Variants in COP1 observed in about 807,000 individuals in gnomAD.
COP1 encodes E3 ubiquitin-protein ligase COP1.
In COP1, 24 loss-of-function variants were observed where a neutral mutation model predicts 101.3. The ratio of observed to expected loss-of-function variants is 0.24; its 90% confidence interval spans 0.17 to 0.33. The LOEUF (loss-of-function observed/expected upper bound fraction) is 0.33, where lower values mean the gene tolerates loss of function less well. Among genes scored for constraint, COP1 ranks in the 10% least tolerant of loss-of-function variants. The pLI is 1.00. For synonymous variants in COP1, 347 were observed against 341.9 expected (o/e 1.01, Z -0.17); for missense variants, 663 against 906.2 (o/e 0.73, Z 3.45).
chr1:176,133,279 C>T (rs1003793814), intron 8 of COP1, among the ~76,000 whole-genome samples: 6 of 150,286 alleles, frequency 4.0e-5, no homozygotes, highest in South Asian at 4.2e-4. Flanking sequence ...TATATATATA[C>T]GTATGTACAC....
intron 15 of COP1, among the ~76,000 whole-genome samples, chr1:175,990,488 G>A (rs563798759): frequency 1.3e-5 from 2 of 152,250 alleles, no homozygotes; most frequent in South Asian, 2.1e-4. Context: ...GTCTTTGGAT[G>A]TCTGTTATGT....
intron 9 of COP1, among the ~76,000 whole-genome samples, chr1:176,103,801 A>T (rs1011374881): frequency 1.3e-5 from 2 of 152,190 alleles, no homozygotes; most frequent in Non-Finnish European, 2.9e-5. Context: ...CTTATGAAAA[A>T]TATAGGCAAA....
rs148425100 is a variant in COP1 at position 176,001,222 on chromosome 1, G to A, written c.1730-11743C>T. On this transcript the variant is annotated intron_variant, in intron 15 of 19. Transcript: ENST00000367669. ...TCTTCTTGGGAGTTATTTCTAAAGA[G>A]AATTAACATCAGAATTGTCTGAATC... Among the ~76,000 whole-genome samples the A allele has an allele frequency of 6.3e-3, 957 of 152,122 alleles. 10 individuals are homozygous for A. The highest frequency in any genetic ancestry group is 0.022 in the African/African-American group (906 of 41,528).
intron 15 of COP1, among the ~76,000 whole-genome samples, chr1:175,993,296 A>T (rs1659149620): frequency 6.6e-6 from 1 of 152,216 alleles, no homozygotes; most frequent in Non-Finnish European, 1.5e-5. Flanking sequence ...GATGGGGAAA[A>T]AACAAAGCAG....
At chr1:175,947,074 G>A (rs1391413238) in intron 19 of COP1, 121 bp downstream of exon 19, 3 of 714,610 alleles carry the variant, frequency 4.2e-6, no homozygotes, top group East Asian at 2.5e-5. Context: ...CATTTGTAAG[G>A]AGACACAGAC....
Position 175,944,875 on chromosome 1 carries a change from AAAAG to A in COP1, c.*274_*277del. On this transcript the variant is annotated 3_prime_UTR_variant, in exon 20 of 20. Transcript: ENST00000367669. ...ATTGTTTTGTTATTTATTTTTATTC[AAAAG>A]AATTTGTTTCCCTATCACAAAAATT... 1 of 405,802 alleles carries A rather than the reference AAAAG, an allele frequency of 2.5e-6. No homozygotes were observed. Among genetic ancestry groups the A allele is most frequent in the Non-Finnish European group, 4.4e-6 (1 of 225,092 alleles). 25.1% of individuals were successfully genotyped at this position (405,802 alleles called of 1,614,324 possible). A position where few individuals can be genotyped will look rare whatever the true frequency, so the allele number is the denominator to read the frequency against.
At chr1:176,010,524 T>C (rs1349885786) in intron 15 of COP1, among the ~76,000 whole-genome samples, 2 of 152,202 alleles carry the variant, frequency 1.3e-5, no homozygotes, top group East Asian at 3.8e-4. Context: ...ACATCTGAAT[T>C]TGTCTAAATG....
chr1:176,178,768 G>A (rs1452191734), intron 2 of COP1, among the ~76,000 whole-genome samples: 8 of 151,944 alleles, frequency 5.3e-5, no homozygotes, highest in Non-Finnish European at 1.2e-4. Context: ...CAGGAGAATC[G>A]CTTGAACCCG....
At chr1:176,099,825 C>A (rs1683079683) in intron 9 of COP1, among the ~76,000 whole-genome samples, 2 of 152,124 alleles carry the variant, frequency 1.3e-5, no homozygotes. Flanking sequence ...ATGTCACCTT[C>A]TACAGGCCCA....
intron 18 of COP1, among the ~76,000 whole-genome samples, chr1:175,983,932 C>T (rs1429413929): frequency 2.0e-5 from 3 of 152,152 alleles, no homozygotes; most frequent in African/African-American, 7.2e-5. Context: ...AGCAGCAAAG[C>T]ATACAAGAGG....
chr1:176,028,696 C>CATATATATATAT (rs369887649), intron 14 of COP1, among the ~76,000 whole-genome samples: 2,307 of 47,700 alleles, frequency 0.048, 210 homozygotes, highest in East Asian at 0.077. Flanking sequence ...ATATTTGTTT[C>CATATATATATAT]ATATATATAT....
chr1:176,081,712 G>A (rs547191331), intron 10 of COP1, among the ~76,000 whole-genome samples: 29 of 152,024 alleles, frequency 1.9e-4, no homozygotes, highest in South Asian at 6.2e-4. Flanking sequence ...TTAAAATCCC[G>A]TTTATAATAA....
chr1:176,158,965 G>C (rs1432095641), intron 5 of COP1, among the ~76,000 whole-genome samples: 2 of 152,022 alleles, frequency 1.3e-5, no homozygotes, highest in Non-Finnish European at 2.9e-5. Flanking sequence ...TACAGATGAA[G>C]TAGTATAATA....
In COP1 at chr1:176,007,401, T is replaced by C. The variant is rs1339699757; in HGVS notation, c.1730-17922A>G. On this transcript the variant is annotated intron_variant, in intron 15 of 19. Coordinates refer to ENST00000367669, the MANE Select transcript of COP1 (RefSeq NM_022457.7). ...GTTGCTGGTGAGGAACTGCGTTCCT[T>C]TGGAGGAAGAGAGGCACTCTGGTTT... 2.0e-5 allele frequency among the ~76,000 whole-genome samples: 3 copies of C among 152,358 alleles called. No individual in the cohort carries two copies. The East Asian group carries it at 5.8e-4, about 29-fold the overall frequency.
intron 15 of COP1, among the ~76,000 whole-genome samples, chr1:176,007,439 G>A (rs1447361985): frequency 2.6e-5 from 4 of 152,070 alleles, no homozygotes; most frequent in Non-Finnish European, 5.9e-5. Context: ...AGAGTTTCCA[G>A]TTTTTCTGTT....
intron 1 of COP1, among the ~76,000 whole-genome samples, chr1:176,203,885 G>A (rs1484819362): frequency 2.0e-5 from 3 of 152,156 alleles, no homozygotes; most frequent in Non-Finnish European, 4.4e-5. Context: ...AAGGAGGGGA[G>A]AAGGACAGGT....
chr1:176,114,777 G>C (rs564206410), intron 9 of COP1, among the ~76,000 whole-genome samples: 1 of 151,810 alleles, frequency 6.6e-6, no homozygotes, highest in African/African-American at 2.4e-5. Context: ...TTGTAGAGGC[G>C]GGGTCTCACC....
At chr1:176,180,304 T>C (rs1475771613) in intron 2 of COP1, among the ~76,000 whole-genome samples, 1 of 152,228 alleles carries the variant, frequency 6.6e-6, no homozygotes, top group Non-Finnish European at 1.5e-5. Context: ...TTCTGGATCA[T>C]ATAAAACAAA....
chr1:176,097,284 CAT>C (rs1300085091), intron 9 of COP1, among the ~76,000 whole-genome samples: 6 of 152,046 alleles, frequency 3.9e-5, no homozygotes, highest in South Asian at 2.1e-4. Flanking sequence ...TCAATGCACA[CAT>C]GAGAAGGAAG....
Sources: gnomAD v4.1 joint callset for allele counts (sites outside exome capture counted in the v4.1 genomes callset) on GRCh38, gnomAD v4.1.1 for gene constraint, MANE v1.5 for transcripts, NCBI Gene and HGNC (gene_info 2026-07-23, HGNC 2026-07-21) for gene names.